NRXN1: variants seen among roughly 807,000 people sequenced by gnomAD.
The protein encoded by NRXN1 is neurexin-1.
A neutral mutation model predicts 150.9 loss-of-function variants in NRXN1; 39 were observed. The ratio of observed to expected loss-of-function variants is 0.26; its 90% confidence interval spans 0.20 to 0.34. NRXN1 has a LOEUF of 0.34. Ranked by LOEUF, NRXN1 falls within the 10% of genes least tolerant of loss-of-function variation. NRXN1 has a pLI of 1.00. For missense variants in NRXN1, 1,815 were observed against 1,949.9 expected (o/e 0.93, Z 1.30); for synonymous variants, 924 against 757.0 (o/e 1.22, Z -3.62).
intron 17 of NRXN1, among the ~76,000 whole-genome samples, chr2:50,314,878 A>G (rs1426290375): frequency 6.6e-6 from 1 of 151,376 alleles, no homozygotes; most frequent in Non-Finnish European, 1.5e-5. Context: ...TCTGAGCCTT[A>G]TTTTTCTCAC....
At chr2:50,907,432 A>G (rs1250174324) in intron 5 of NRXN1, among the ~76,000 whole-genome samples, 1 of 152,096 alleles carries the variant, frequency 6.6e-6, no homozygotes, top group East Asian at 1.9e-4. Context: ...GTCCTTCATT[A>G]CAGCAGTGTT....
intron 21 of NRXN1, among the ~76,000 whole-genome samples, chr2:50,007,126 T>A (rs1302694116): frequency 6.6e-6 from 1 of 152,150 alleles, no homozygotes; most frequent in Non-Finnish European, 1.5e-5. Context: ...GAGAATCACT[T>A]GAGGCCAGGA....
At chr2:50,277,593 T>C (rs1017901514) in intron 17 of NRXN1, among the ~76,000 whole-genome samples, 10 of 151,762 alleles carry the variant, frequency 6.6e-5, no homozygotes, top group Non-Finnish European at 1.0e-4. Flanking sequence ...TTTTAAGGAG[T>C]CAGTGTCTAG....
At chr2:50,178,679 G>A (rs758037558) in intron 18 of NRXN1, among the ~76,000 whole-genome samples, 2 of 152,078 alleles carry the variant, frequency 1.3e-5, no homozygotes, top group Admixed American at 6.6e-5. Flanking sequence ...AGGTAAACAA[G>A]CTATGAGTAG....
chr2:50,178,974 A>G (rs183216299), intron 18 of NRXN1, among the ~76,000 whole-genome samples: 61 of 152,270 alleles, frequency 4.0e-4, no homozygotes, highest in African/African-American at 1.3e-3. Flanking sequence ...AATACCTAAC[A>G]ATGCTTGAGA....
At chr2:50,513,278 C>A (rs2092522724) in intron 12 of NRXN1, among the ~76,000 whole-genome samples, 1 of 152,060 alleles carries the variant, frequency 6.6e-6, no homozygotes, top group South Asian at 2.1e-4. Flanking sequence ...AAAGGATCTA[C>A]CATTAAAAAA....
chr2:50,134,512 G>A (rs1706080587), intron 18 of NRXN1, among the ~76,000 whole-genome samples: 1 of 152,064 alleles, frequency 6.6e-6, no homozygotes, highest in Non-Finnish European at 1.5e-5. Context: ...ACCATGCTTT[G>A]GGAAGATGTT....
intron 5 of NRXN1, among the ~76,000 whole-genome samples, chr2:50,873,710 G>T (rs971667345): frequency 2.0e-5 from 3 of 151,808 alleles, no homozygotes; most frequent in African/African-American, 7.3e-5. Flanking sequence ...AAAACACCCA[G>T]ACTGCACCTG....
At chr2:50,914,351 T>G (rs1392998187) in intron 5 of NRXN1, among the ~76,000 whole-genome samples, 1 of 151,686 alleles carries the variant, frequency 6.6e-6, no homozygotes, top group East Asian at 1.9e-4. Context: ...ACTTCATTTT[T>G]TGAAACTTTC....
At chr2:49,997,486 A>G (rs1289946995) in intron 21 of NRXN1, among the ~76,000 whole-genome samples, 1 of 152,174 alleles carries the variant, frequency 6.6e-6, no homozygotes, top group Non-Finnish European at 1.5e-5. Flanking sequence ...AAGACCTTTT[A>G]AAGAAAAGTA....
chr2:50,497,515 G>A lies in NRXN1; in HGVS notation c.2697C>T (p.Phe899=). 5.6e-6 allele frequency: 9 copies of A among 1,613,920 alleles called. No homozygotes were observed. Among genetic ancestry groups the A allele is most frequent in the Non-Finnish European group, 7.6e-6 (9 of 1,179,870 alleles). The change falls in exon 14 of 23, where the codon TTC becomes TTT. Residue 899 remains phenylalanine (F), a synonymous_variant. Coordinates refer to ENST00000401669, the MANE Select transcript of NRXN1 (RefSeq NM_001330078.2). ...DYCELNARFG[F]RNIIADPVTF... ...TGACAGGATCTGCTATGATGTTCCT[G>A]AAGCCAAATCTGGCATTAAGCTCAC... is the stretch of plus-strand genomic sequence containing the variant.
chr2:50,131,374 T>C (rs1396355528), intron 18 of NRXN1, among the ~76,000 whole-genome samples: 1 of 152,206 alleles, frequency 6.6e-6, no homozygotes, highest in Non-Finnish European at 1.5e-5. Context: ...AATTAGAGTT[T>C]TCTTTGGTCA....
chr2:50,269,104 G>C (rs912475687), intron 17 of NRXN1, among the ~76,000 whole-genome samples: 1 of 151,540 alleles, frequency 6.6e-6, no homozygotes, highest in Non-Finnish European at 1.5e-5. Context: ...TGGGGAAACA[G>C]ACTTAGACAG....
chr2:50,665,606 T>C (rs1415470113), intron 5 of NRXN1, among the ~76,000 whole-genome samples: 1 of 151,966 alleles, frequency 6.6e-6, no homozygotes, highest in East Asian at 1.9e-4. Context: ...CTCTGCAAAG[T>C]ATTTGAGCTT....
Position 50,922,751 on chromosome 2 carries a change from C to G in NRXN1, c.791-64G>C, listed in dbSNP as rs138656937. The stretch of plus-strand genomic sequence containing the variant: ...GGAGCATGGGAAGGCAGGGTTGTCA[C>G]GGTGACAAAAATGTTCAGTGACAGA... On this transcript the variant is annotated intron_variant, in intron 3 of 22. Transcript: ENST00000401669. 3,110 of 1,531,824 alleles carry G rather than the reference C, an allele frequency of 2.0e-3. 7 individuals carry two copies. The highest frequency in any genetic ancestry group is 2.2e-3 in the Non-Finnish European group (2,484 of 1,114,556). The allele number at this position is 1,531,824 out of a possible 1,614,324, so 94.9% of individuals were successfully genotyped here.
intron 21 of NRXN1, among the ~76,000 whole-genome samples, chr2:49,958,784 C>A (rs1232641649): frequency 6.6e-6 from 1 of 152,140 alleles, no homozygotes. Flanking sequence ...ACTTTTTAGT[C>A]TATGAAAGCT....
chr2:50,579,379 T>C (rs1017300211), intron 8 of NRXN1, among the ~76,000 whole-genome samples: 9 of 152,196 alleles, frequency 5.9e-5, no homozygotes, highest in African/African-American at 7.2e-5. Flanking sequence ...TAGAGTGTGA[T>C]GCAGGGCATG....
intron 8 of NRXN1, among the ~76,000 whole-genome samples, chr2:50,562,576 T>C (rs1669264955): frequency 2.0e-5 from 3 of 152,162 alleles, no homozygotes; most frequent in African/African-American, 7.2e-5. Context: ...TGTGTGTGTG[T>C]ATGATATATG....
chr2:50,247,867 C>T (rs749478892), intron 17 of NRXN1, among the ~76,000 whole-genome samples: 2 of 152,238 alleles, frequency 1.3e-5, no homozygotes, highest in East Asian at 1.9e-4. Flanking sequence ...AATCATTGTA[C>T]TCTGGATATA....
Sources: allele counts gnomAD v4.1 joint callset (sites outside exome capture counted in the v4.1 genomes callset), GRCh38; gene constraint gnomAD v4.1.1; transcripts MANE v1.5; gene names NCBI Gene and HGNC (gene_info 2026-07-23, HGNC 2026-07-21).